The following TJP2 variants were observed in gnomAD, a reference collection of about 807,000 sequenced individuals.
TJP2 encodes the protein Friedreich ataxia region gene X104 (tight junction protein ZO-2).
In TJP2, 91 loss-of-function variants were observed where a neutral mutation model predicts 133.1. The observed-to-expected ratio is 0.68, with a 90% CI of 0.58 to 0.81. The LOEUF is 0.81. TJP2 is among the 40% of genes least tolerant of loss of function. The probability of loss-of-function intolerance (pLI) is 0.00; values close to 1 mark genes in which losing one functional copy is unlikely to be tolerated. For synonymous variants in TJP2, 592 were observed against 583.4 expected, an observed-to-expected ratio of 1.01 and a Z score of -0.21; for missense variants, 1,541 against 1,565.6, an observed-to-expected ratio of 0.98 and a Z score of 0.26.
intron 5 of TJP2, among the ~76,000 whole-genome samples, chr9:69,224,750 G>A (rs1344224077): frequency 6.6e-6 from 1 of 152,028 alleles, no homozygotes; most frequent in Non-Finnish European, 1.5e-5. Context: ...TTTACCAGTT[G>A]TTAACATTTT....
chr9:69,175,084 T>A (rs1242807648), intron 1 of TJP2, among the ~76,000 whole-genome samples: 4 of 152,182 alleles, frequency 2.6e-5, no homozygotes, highest in African/African-American at 9.7e-5. Flanking sequence ...TTATAAATAA[T>A]CAGGGATTTC....
intron 1 of TJP2, among the ~76,000 whole-genome samples, chr9:69,139,799 G>A (rs755354356): frequency 5.3e-5 from 8 of 152,174 alleles, no homozygotes; most frequent in Non-Finnish European, 8.8e-5. Flanking sequence ...GAACTCGGCC[G>A]TGTCTTCTAG....
intron 1 of TJP2, among the ~76,000 whole-genome samples, chr9:69,149,705 G>T (rs1410178477): frequency 1.3e-5 from 2 of 152,180 alleles, no homozygotes; most frequent in African/African-American, 4.8e-5. Context: ...GCTCAACCCA[G>T]AAAGGAGCTT....
chr9:69,204,152 C>T (rs1448990530), intron 1 of TJP2, among the ~76,000 whole-genome samples: 2 of 152,190 alleles, frequency 1.3e-5, no homozygotes, highest in African/African-American at 4.8e-5. Flanking sequence ...AGCTAAGTGA[C>T]AGGACAAGGA....
intron 17 of TJP2, 125 bp from the exon 18 acceptor site, chr9:69,246,565 A>G (rs567738791): frequency 1.8e-5 from 15 of 816,332 alleles, no homozygotes; most frequent in Admixed American, 7.9e-5. Flanking sequence ...AAGATGTGCA[A>G]ACATCTTCTT....
At chr9:69,167,252 A>G (rs1824408622) in intron 2 of TJP2, among the ~76,000 whole-genome samples, 1 of 152,268 alleles carries the variant, frequency 6.6e-6, no homozygotes, top group East Asian at 1.9e-4. Flanking sequence ...AAAAATAAAA[A>G]TAAATAAATA....
At chr9:69,249,832 C>G (rs994863934) in intron 20 of TJP2, 24 of 858,424 alleles carry the variant, frequency 2.8e-5, no homozygotes, top group Non-Finnish European at 3.1e-5. Context: ...CTTTTGCTGT[C>G]CAGCTAAAGT....
intron 2 of TJP2, among the ~76,000 whole-genome samples, chr9:69,161,958 T>C (rs937020889): frequency 2.7e-5 from 4 of 150,130 alleles, no homozygotes; most frequent in African/African-American, 9.7e-5. Context: ...GAGGCAGAAT[T>C]GCTTGAACTC....
chr9:69,217,158 T>C (rs1828452142), intron 3 of TJP2, among the ~76,000 whole-genome samples: 1 of 152,008 alleles, frequency 6.6e-6, no homozygotes, highest in Non-Finnish European at 1.5e-5. Flanking sequence ...TCCCAGCTAA[T>C]TTTTGTATTT....
rs146335759 is a variant in TJP2, at chr9:69,207,171, C to G, written c.61-5377C>G. Among the ~76,000 whole-genome samples the G allele has an allele frequency of 4.8e-3, 734 of 152,244 alleles. 5 individuals carry two copies. The highest frequency in any genetic ancestry group is 0.014 in the Admixed American group (217 of 15,280). On this transcript the variant is annotated intron_variant, in intron 1 of 22. Transcript: ENST00000377245. ...CTAAACAATAGATTAATTTTGTTGG[C>G]AATTTTTTACTATAGTGAAAAACGC...
rs765961360 is a variant in TJP2 at position 69,220,976 on chromosome 9, C to T, written c.432C>T (p.Asp144=). Residue 144 remains aspartate (D), a synonymous_variant, in exon 5 of 23, where the codon GAC becomes GAT. Transcript: ENST00000377245. The part of the protein sequence containing the change: ...DQDDRAFEVM[D]EFDGRSFRSG... ...ATGACCGGGCTTTTGAGGTGATGGA[C>T]GAGTTTGATGGCAGAAGTTTCCGGA... The T allele has an allele frequency of 1.2e-6, 2 of 1,612,852 alleles. No individual in the cohort carries two copies. The highest frequency in any genetic ancestry group is 8.5e-7 in the Non-Finnish European group (1 of 1,179,904).
At chr9:69,167,239 C>A (rs7853302) in intron 2 of TJP2, among the ~76,000 whole-genome samples, 138,301 of 152,152 alleles carry the variant, frequency 0.91, 62,873 homozygotes, top group Middle Eastern at 0.94. Flanking sequence ...GTCTCAAAAA[C>A]ATAAAAATAA....
upstream of TJP2, among the ~76,000 whole-genome samples, chr9:69,173,067 T>C (rs1390254866): frequency 6.6e-6 from 1 of 152,216 alleles, no homozygotes; most frequent in Non-Finnish European, 1.5e-5. Flanking sequence ...GAGAGGCATC[T>C]ACTGGACTTG....
chr9:69,160,665 G>A (rs1222116601), intron 2 of TJP2, among the ~76,000 whole-genome samples: 2 of 152,214 alleles, frequency 1.3e-5, no homozygotes, highest in Non-Finnish European at 2.9e-5. Context: ...TCATGCTGCT[G>A]ATAAAGACAT....
intron 1 of TJP2, chr9:69,204,839 A>G: frequency 1.8e-6 from 2 of 1,104,716 alleles, no homozygotes; most frequent in African/African-American, 1.6e-5. Flanking sequence ...AATTCTGTCA[A>G]CTTAGATGCT....
At chr9:69,156,947 G>A (rs1487049928) in intron 2 of TJP2, among the ~76,000 whole-genome samples, 2 of 152,124 alleles carry the variant, frequency 1.3e-5, no homozygotes, top group Middle Eastern at 3.2e-3. Context: ...CATAAGTACT[G>A]CTATTCTAAA....
At chr9:69,147,091 A>G (rs1389458520) in intron 1 of TJP2, among the ~76,000 whole-genome samples, 1 of 152,236 alleles carries the variant, frequency 6.6e-6, no homozygotes, top group Non-Finnish European at 1.5e-5. Context: ...CAGAGACTCT[A>G]TCAGAGTCCA....
chr9:69,217,592 G>A (rs961424504), intron 3 of TJP2, among the ~76,000 whole-genome samples: 6 of 152,134 alleles, frequency 3.9e-5, no homozygotes, highest in African/African-American at 1.4e-4. Flanking sequence ...TAAGGTGAGA[G>A]AATCCTTTGA....
rs566066108 is a variant in TJP2, at chr9:69,163,056, C to T, written c.-10+11285C>T. Reference sequence around the variant, plus strand: ...TTTTTTTTTTTTTGAGACGGAGTCTCGCTCTGTCGCCCAGGCTGGAGTGCA... The same window carrying T: ...TTTTTTTTTTTTTGAGACGGAGTCTTGCTCTGTCGCCCAGGCTGGAGTGCA... On this transcript the variant is annotated intron_variant, in intron 2 of 5. Transcript: ENST00000423935. 3.6e-4 allele frequency among the ~76,000 whole-genome samples: 14 copies of T among 39,384 alleles called. 4 individuals carry two copies. The highest frequency in any genetic ancestry group is 6.1e-4 in the Non-Finnish European group (13 of 21,320). The allele number at this position is 39,384 out of a possible 152,430, so 25.8% of individuals were successfully genotyped here.
Sources: allele counts gnomAD v4.1 joint callset (sites outside exome capture counted in the v4.1 genomes callset), GRCh38; gene constraint gnomAD v4.1.1; transcripts MANE v1.5; gene names NCBI Gene and HGNC (gene_info 2026-07-23, HGNC 2026-07-21).